Variants in BICC1 observed in about 807,000 individuals in gnomAD.
BICC1 encodes the protein BicC family RNA binding protein 1, also known as protein bicaudal C homolog 1.
Under a neutral mutation model 111.0 loss-of-function variants are expected in BICC1, and 43 were observed. That is an observed-to-expected ratio of 0.39 (90% CI 0.30 to 0.50). The LOEUF is 0.50. BICC1 is among the 20% of genes least tolerant of loss of function. The probability of loss-of-function intolerance (pLI) is 0.88; values close to 1 mark genes in which losing one functional copy is unlikely to be tolerated. For synonymous variants in BICC1, 467 were observed against 434.4 expected (o/e 1.07, Z -0.93); for missense variants, 1,091 against 1,203.2 (o/e 0.91, Z 1.38).
intron 2 of BICC1, among the ~76,000 whole-genome samples, chr10:58,680,098 A>G (rs1803039114): frequency 6.6e-6 from 1 of 152,070 alleles, no homozygotes; most frequent in Non-Finnish European, 1.5e-5. Context: ...TGGGCATTTC[A>G]AAGTATTCCC....
intron 2 of BICC1, among the ~76,000 whole-genome samples, chr10:58,646,456 C>T (rs367948152): frequency 6.6e-6 from 1 of 152,118 alleles, no homozygotes. Flanking sequence ...TTATGACTAT[C>T]ATATATTCTT....
intron 2 of BICC1, among the ~76,000 whole-genome samples, chr10:58,622,897 G>A (rs1034092483): frequency 2.0e-5 from 3 of 152,136 alleles, no homozygotes; most frequent in African/African-American, 7.2e-5. Context: ...TAGCATCTTC[G>A]TATTTTTCTC....
In BICC1 at chr10:58,716,578, A is replaced by G. The variant is rs187716168; in HGVS notation, c.307+14435A>G. Among the ~76,000 whole-genome samples, 3 of 152,340 alleles carry G rather than the reference A, an allele frequency of 2.0e-5. No individual in the cohort carries two copies. The East Asian group carries it at 5.8e-4, about 29-fold the overall frequency. ...GGGAATAAAATTAATACTTTTGACT[A>G]GAAATGTCTAAGGATAAACCAACAG... is the stretch of plus-strand genomic sequence containing the variant. On this transcript the variant is annotated intron_variant, in intron 3 of 20. Transcript: ENST00000373886.
intron 1 of BICC1, among the ~76,000 whole-genome samples, chr10:58,515,371 C>G (rs1279117803): frequency 1.3e-5 from 2 of 152,108 alleles, no homozygotes; most frequent in Non-Finnish European, 2.9e-5. Context: ...GTTGTGTAGC[C>G]TGCTACACCT....
chr10:58,750,835 G>T (rs532254675), intron 3 of BICC1, among the ~76,000 whole-genome samples: 4 of 152,192 alleles, frequency 2.6e-5, no homozygotes, highest in African/African-American at 9.6e-5. Context: ...TTTTTAATTG[G>T]AAGCAGTCTT....
At chr10:58,824,725 C>T (rs1429417416) in intron 20 of BICC1, among the ~76,000 whole-genome samples, 1 of 152,178 alleles carries the variant, frequency 6.6e-6, no homozygotes, top group Admixed American at 6.5e-5. Flanking sequence ...AATCACTGCT[C>T]TAGCCCCTCA....
intron 2 of BICC1, among the ~76,000 whole-genome samples, chr10:58,662,748 T>C (rs1049793109): frequency 6.6e-6 from 1 of 152,206 alleles, no homozygotes; most frequent in Non-Finnish European, 1.5e-5. Context: ...CTAATAAATG[T>C]ATAACAAAAC....
intron 1 of BICC1, among the ~76,000 whole-genome samples, chr10:58,601,328 T>C (rs908936320): frequency 3.3e-5 from 5 of 151,458 alleles, no homozygotes; most frequent in Non-Finnish European, 7.4e-5. Context: ...TATAATCCAC[T>C]TAAAAATCAT....
intron 18 of BICC1, among the ~76,000 whole-genome samples, chr10:58,816,962 G>A (rs547245124): frequency 3.6e-4 from 55 of 152,058 alleles, no homozygotes; most frequent in African/African-American, 1.1e-3. Context: ...ATTTATTTTT[G>A]TCCTAAATTA....
At chr10:58,715,154 G>T (rs1840699277) in intron 3 of BICC1, among the ~76,000 whole-genome samples, 1 of 152,060 alleles carries the variant, frequency 6.6e-6, no homozygotes, top group Non-Finnish European at 1.5e-5. Flanking sequence ...TGCCATTAAA[G>T]TGTGGCTTGT....
At chr10:58,765,384 A>C (rs1174412061) in intron 3 of BICC1, among the ~76,000 whole-genome samples, 1 of 152,134 alleles carries the variant, frequency 6.6e-6, no homozygotes, top group African/African-American at 2.4e-5. Flanking sequence ...AAATGTGTGC[A>C]AAGTGGGCTT....
At chr10:58,769,626 G>A (rs1842567824) in intron 3 of BICC1, among the ~76,000 whole-genome samples, 1 of 151,536 alleles carries the variant, frequency 6.6e-6, no homozygotes, top group Admixed American at 6.6e-5. Flanking sequence ...TTTTCATTGT[G>A]CAGTCTGAAC....
chr10:58,761,859 A>G (rs921714143), intron 3 of BICC1, among the ~76,000 whole-genome samples: 2 of 152,162 alleles, frequency 1.3e-5, no homozygotes, highest in Non-Finnish European at 2.9e-5. Context: ...GTTCCTATCC[A>G]TCATGAATAA....
chr10:58,625,401 G>C (rs1299639208), intron 2 of BICC1, among the ~76,000 whole-genome samples: 1 of 152,172 alleles, frequency 6.6e-6, no homozygotes, highest in Non-Finnish European at 1.5e-5. Context: ...TTAGGAATCT[G>C]TAATCCCAAT....
intron 3 of BICC1, among the ~76,000 whole-genome samples, chr10:58,710,694 G>A (rs889424769): frequency 6.6e-6 from 1 of 152,080 alleles, no homozygotes; most frequent in Non-Finnish European, 1.5e-5. Context: ...CCCAGAATAT[G>A]TTATAAATTG....
intron 2 of BICC1, among the ~76,000 whole-genome samples, chr10:58,682,878 T>C (rs564972089): frequency 1.1e-4 from 16 of 152,202 alleles, no homozygotes; most frequent in African/African-American, 3.4e-4. Flanking sequence ...GCAGAAGATA[T>C]TTAGTTTAAT....
chr10:58,567,976 A>G (rs1048863622), intron 1 of BICC1, among the ~76,000 whole-genome samples: 1 of 152,074 alleles, frequency 6.6e-6, no homozygotes, highest in Non-Finnish European at 1.5e-5. Flanking sequence ...TCAGGGGACA[A>G]TGGGGAGGGA....
intron 1 of BICC1, among the ~76,000 whole-genome samples, chr10:58,587,822 G>T (rs1844479582): frequency 6.6e-6 from 1 of 152,164 alleles, no homozygotes; most frequent in Non-Finnish European, 1.5e-5. Context: ...AAGCTTATGG[G>T]TTTCGAGTAA....
chr10:58,737,845 T>C (rs1454511689), intron 3 of BICC1, among the ~76,000 whole-genome samples: 2 of 152,240 alleles, frequency 1.3e-5, no homozygotes, highest in African/African-American at 4.8e-5. Context: ...ACAGTGATGA[T>C]GAGCATTTTT....
Sources: allele counts gnomAD v4.1 joint callset (sites outside exome capture counted in the v4.1 genomes callset), GRCh38; gene constraint gnomAD v4.1.1; transcripts MANE v1.5; gene names NCBI Gene and HGNC (gene_info 2026-07-23, HGNC 2026-07-21).